EPB41L4A: variants seen among roughly 807,000 people sequenced by gnomAD.
The protein encoded by EPB41L4A is erythrocyte membrane protein band 4.1 like 4A, also known as band 4.1-like protein 4A.
EPB41L4A carries 100 observed loss-of-function variants against 108.6 expected under a neutral mutation model. The observed-to-expected ratio is 0.92, with a 90% confidence interval of 0.78 to 1.09. The LOEUF (loss-of-function observed/expected upper bound fraction) is 1.09, where lower values mean the gene tolerates loss of function less well. Ranked by LOEUF, EPB41L4A falls within the 50% of genes least tolerant of loss-of-function variation. EPB41L4A has a pLI of 0.00. For missense variants in EPB41L4A, 1,030 were observed against 842.7 expected, an observed-to-expected ratio of 1.22 and a Z score of -2.75; for synonymous variants, 319 against 289.0, an observed-to-expected ratio of 1.10 and a Z score of -1.05.
chr5:112,249,747 G>A (rs1750522240), intron 9 of EPB41L4A: 1 of 152,110 alleles, frequency 6.6e-6, no homozygotes, highest in African/African-American at 2.4e-5. Flanking sequence ...TTTACACAAT[G>A]CTCCCCAAAG....
chr5:112,181,754 CA>C (rs1247644982), intron 18 of EPB41L4A, among the ~76,000 whole-genome samples: 1 of 152,074 alleles, frequency 6.6e-6, no homozygotes, highest in Non-Finnish European at 1.5e-5. Context: ...TGAAGTTCGA[CA>C]AGAGAGAAAA....
In EPB41L4A at chr5:112,212,275, C is replaced by T. The variant is rs146901878; in HGVS notation, c.1088-2293G>A. Reference sequence around the variant, plus strand: ...TTTAGGTCCTAGACAGTAGGTGTGCCCTACCATTAGTTGTTTTTGTTTTTT... The same window carrying T: ...TTTAGGTCCTAGACAGTAGGTGTGCTCTACCATTAGTTGTTTTTGTTTTTT... On this transcript the variant is annotated intron_variant, in intron 12 of 22. Coordinates refer to ENST00000261486, the MANE Select transcript of EPB41L4A (RefSeq NM_022140.5). 7.3e-5 allele frequency among the ~76,000 whole-genome samples: 11 copies of T among 151,490 alleles called. No individual in the cohort carries two copies. In the East Asian group the frequency reaches 2.1e-3, roughly 29 times the overall value.
intron 13 of EPB41L4A, among the ~76,000 whole-genome samples, chr5:112,208,309 A>G (rs569421454): frequency 1.5e-4 from 23 of 152,176 alleles, no homozygotes; most frequent in African/African-American, 5.3e-4. Flanking sequence ...CACAATAGCA[A>G]GGACATAGAA....
chr5:112,398,510 T>G (rs1761521955), intron 1 of EPB41L4A, among the ~76,000 whole-genome samples: 1 of 152,188 alleles, frequency 6.6e-6, no homozygotes, highest in African/African-American at 2.4e-5. Context: ...TGCCTCAGCC[T>G]TCCGAGTAGC....
chr5:112,160,254 C>T (rs903847335), downstream of EPB41L4A, among the ~76,000 whole-genome samples: 5 of 152,098 alleles, frequency 3.3e-5, no homozygotes, highest in African/African-American at 1.2e-4. Flanking sequence ...TAAAATTACA[C>T]TCATGGCTCA....
intron 15 of EPB41L4A, among the ~76,000 whole-genome samples, 176 bp downstream of exon 15, chr5:112,204,199 C>T (rs1009619246): frequency 1.3e-5 from 2 of 152,042 alleles, no homozygotes; most frequent in Non-Finnish European, 2.9e-5. Context: ...AAAACTCTGG[C>T]TGTTTACGAT....
At chr5:112,412,076 C>A (rs187078966) in intron 1 of EPB41L4A, among the ~76,000 whole-genome samples, 2 of 152,174 alleles carry the variant, frequency 1.3e-5, no homozygotes, top group Non-Finnish European at 2.9e-5. Context: ...CAGAAGGTGT[C>A]GTTCCTAAAC....
chr5:112,323,246 C>T (rs1447590812), intron 1 of EPB41L4A, among the ~76,000 whole-genome samples: 1 of 152,008 alleles, frequency 6.6e-6, no homozygotes. Context: ...TAAAAGAAAA[C>T]CTCCCTGAGA....
chr5:112,258,163 T>G (rs1751241200), intron 9 of EPB41L4A, among the ~76,000 whole-genome samples: 2 of 152,230 alleles, frequency 1.3e-5, no homozygotes, highest in African/African-American at 4.8e-5. Context: ...TGAGATAATG[T>G]TTTTTTCCTA....
chr5:112,307,958 C>T (rs1754802643), intron 1 of EPB41L4A, among the ~76,000 whole-genome samples: 1 of 152,060 alleles, frequency 6.6e-6, no homozygotes, highest in Non-Finnish European at 1.5e-5. Flanking sequence ...ATCTTCAATC[C>T]TCAAATAATA....
intron 17 of EPB41L4A, among the ~76,000 whole-genome samples, chr5:112,192,926 T>A (rs985434839): frequency 2.6e-5 from 4 of 152,214 alleles, no homozygotes; most frequent in Non-Finnish European, 5.9e-5. Context: ...AGAAAATAAG[T>A]GGGTATTTTT....
intron 17 of EPB41L4A, among the ~76,000 whole-genome samples, chr5:112,194,198 T>G (rs560311294): frequency 2.6e-5 from 4 of 152,250 alleles, no homozygotes; most frequent in African/African-American, 7.2e-5. Flanking sequence ...TTATTTTTGG[T>G]TGGGTAAAAT....
chr5:112,247,163 G>T (rs556262456), intron 9 of EPB41L4A, among the ~76,000 whole-genome samples: 5 of 152,110 alleles, frequency 3.3e-5, no homozygotes, highest in African/African-American at 1.2e-4. Context: ...TGGTATAAAT[G>T]CCCAAGTTTT....
chr5:112,213,542 T>C (rs749619075), intron 12 of EPB41L4A, among the ~76,000 whole-genome samples: 1 of 151,988 alleles, frequency 6.6e-6, no homozygotes, highest in Non-Finnish European at 1.5e-5. Context: ...AGAGATGGGG[T>C]TTCACCATGT....
intron 1 of EPB41L4A, among the ~76,000 whole-genome samples, chr5:112,397,640 T>G (rs1250667811): frequency 6.6e-6 from 1 of 152,228 alleles, no homozygotes; most frequent in Non-Finnish European, 1.5e-5. Context: ...AATAAAACTT[T>G]ACATTTTCTT....
chr5:112,272,230 G>A (rs928137848), intron 4 of EPB41L4A, among the ~76,000 whole-genome samples: 13 of 148,956 alleles, frequency 8.7e-5, no homozygotes, highest in Non-Finnish European at 1.0e-4. Flanking sequence ...CGCCTCCCGG[G>A]TTCAAGCGAT....
chr5:112,303,173 T>C (rs534407131), intron 2 of EPB41L4A, among the ~76,000 whole-genome samples: 9 of 152,326 alleles, frequency 5.9e-5, no homozygotes, highest in African/African-American at 2.2e-4. Flanking sequence ...TTATAGGTAC[T>C]TTCCAGAACA....
At chr5:112,269,548 G>A (rs1012309648) in intron 4 of EPB41L4A, among the ~76,000 whole-genome samples, 1 of 152,078 alleles carries the variant, frequency 6.6e-6, no homozygotes, top group African/African-American at 2.4e-5. Context: ...TTAAAGCTAT[G>A]ATGGAATGCT....
chr5:112,418,874 T>A (rs1254036496), intron 1 of EPB41L4A, 67 bp downstream of exon 1: 3 of 1,321,752 alleles, frequency 2.3e-6, no homozygotes, highest in Non-Finnish European at 3.2e-6. Context: ...GTGACAGCCC[T>A]CAAAGCGATG....
Sources: allele counts gnomAD v4.1 joint callset (sites outside exome capture counted in the v4.1 genomes callset), GRCh38; gene constraint gnomAD v4.1.1; transcripts MANE v1.5; gene names NCBI Gene and HGNC (gene_info 2026-07-23, HGNC 2026-07-21).